Variants in PCDH15 observed in about 807,000 individuals in gnomAD.
PCDH15 encodes protocadherin related 15.
A neutral mutation model predicts 178.5 loss-of-function variants in PCDH15; 129 were observed. That is an observed-to-expected ratio of 0.72 (90% confidence interval 0.63 to 0.84). PCDH15 has a LOEUF of 0.84. Among genes scored for constraint, PCDH15 ranks in the 40% least tolerant of loss-of-function variants. The pLI, the probability that PCDH15 is intolerant of heterozygous loss-of-function variation, is 0.00. For missense variants in PCDH15, 2,230 were observed against 2,099.9 expected, an observed-to-expected ratio of 1.06 and a Z score of -1.21; for synonymous variants, 800 against 732.0, an observed-to-expected ratio of 1.09 and a Z score of -1.50.
chr10:54,915,690 C>T (rs1005012744), intron 2 of PCDH15, among the ~76,000 whole-genome samples: 4 of 152,094 alleles, frequency 2.6e-5, no homozygotes, highest in African/African-American at 9.7e-5. Context: ...AAGGACAGGC[C>T]ACTTCCAAAT....
At chr10:55,006,299 T>C (rs1321018466) in intron 2 of PCDH15, among the ~76,000 whole-genome samples, 1 of 152,146 alleles carries the variant, frequency 6.6e-6, no homozygotes, top group Non-Finnish European at 1.5e-5. Flanking sequence ...GGTTACTACC[T>C]TTCTATTTTC....
chr10:55,450,985 A>ATATATATATATATATATATG, intron 2 of PCDH15, among the ~76,000 whole-genome samples: 1 of 142,688 alleles, frequency 7.0e-6, no homozygotes, highest in Non-Finnish European at 1.5e-5. Flanking sequence ...ATATATATAT[A>ATATATATATATATATATATG]GTATGATCCT....
At chr10:54,339,889 T>C (rs1323635886) in intron 6 of PCDH15, among the ~76,000 whole-genome samples, 1 of 152,138 alleles carries the variant, frequency 6.6e-6, no homozygotes, top group Non-Finnish European at 1.5e-5. Flanking sequence ...TGATGTTTCC[T>C]CCTAGTAATT....
At chr10:53,823,617 G>A (rs1450474324) in intron 32 of PCDH15, among the ~76,000 whole-genome samples, 1 of 151,404 alleles carries the variant, frequency 6.6e-6, no homozygotes, top group Non-Finnish European at 1.5e-5. Flanking sequence ...TTGGAAGAGA[G>A]TATTTTTTGT....
intron 3 of PCDH15, among the ~76,000 whole-genome samples, chr10:54,874,201 C>T (rs571269553): frequency 2.3e-4 from 28 of 121,956 alleles, no homozygotes; most frequent in African/African-American, 7.7e-4. Flanking sequence ...CAATTCCCAC[C>T]TATGAGTGAG....
chr10:54,566,878 A>G (rs2089130871), intron 2 of PCDH15, among the ~76,000 whole-genome samples: 1 of 152,160 alleles, frequency 6.6e-6, no homozygotes, highest in South Asian at 2.1e-4. Flanking sequence ...TTTTATAGTA[A>G]AAGCATCTTT....
intron 2 of PCDH15, among the ~76,000 whole-genome samples, chr10:54,626,509 G>A (rs1343616893): frequency 6.6e-6 from 1 of 152,202 alleles, no homozygotes; most frequent in Non-Finnish European, 1.5e-5. Context: ...TTCAGAGGGT[G>A]CAGGCCCTGA....
intron 5 of PCDH15, among the ~76,000 whole-genome samples, chr10:54,356,471 A>G (rs1431685543): frequency 5.9e-5 from 9 of 151,844 alleles, no homozygotes; most frequent in African/African-American, 2.2e-4. Flanking sequence ...TTAGTATAAA[A>G]TAGTTATGTA....
At chr10:54,530,367 C>T (rs1207149127) in intron 2 of PCDH15, among the ~76,000 whole-genome samples, 2 of 152,100 alleles carry the variant, frequency 1.3e-5, no homozygotes, top group Non-Finnish European at 2.9e-5. Context: ...AGATTAAGTC[C>T]TTATTCTCTG....
At chr10:55,004,284 A>T (rs1301222247) in intron 2 of PCDH15, among the ~76,000 whole-genome samples, 3 of 152,196 alleles carry the variant, frequency 2.0e-5, no homozygotes, top group Non-Finnish European at 4.4e-5. Context: ...AGGCAGAAAG[A>T]TCCACGATGA....
chr10:55,326,843 A>ATT (rs1318446284), intron 2 of PCDH15, among the ~76,000 whole-genome samples: 5 of 152,124 alleles, frequency 3.3e-5, no homozygotes, highest in Admixed American at 6.6e-5. Flanking sequence ...TCAAAGATAA[A>ATT]TACTCAGATC....
intron 23 of PCDH15, among the ~76,000 whole-genome samples, chr10:53,958,592 G>C (rs2087873094): frequency 6.6e-6 from 1 of 152,082 alleles, no homozygotes; most frequent in African/African-American, 2.4e-5. Context: ...CAAAAAGGCA[G>C]CTGCCTATTA....
At chr10:55,331,028 C>T (rs1364829338) in intron 2 of PCDH15, among the ~76,000 whole-genome samples, 1 of 151,832 alleles carries the variant, frequency 6.6e-6, no homozygotes, top group Non-Finnish European at 1.5e-5. Context: ...ACATGTTATC[C>T]ATTATACTTA....
intron 33 of PCDH15, among the ~76,000 whole-genome samples, chr10:53,818,936 A>G (rs941844104): frequency 6.6e-6 from 1 of 152,074 alleles, no homozygotes; most frequent in African/African-American, 2.4e-5. Flanking sequence ...TACTTATCAG[A>G]AAGCATCTTG....
chr10:55,139,411 T>C (rs192635044), intron 2 of PCDH15, among the ~76,000 whole-genome samples: 12 of 152,196 alleles, frequency 7.9e-5, no homozygotes, highest in Admixed American at 2.6e-4. Context: ...GTCTTATAGT[T>C]TTGTATTTTA....
rs551992470 is a variant in PCDH15, at chr10:54,290,045, A to G, written c.876+27226T>C. On this transcript the variant is annotated intron_variant, in intron 8 of 37. Coordinates refer to ENST00000644397, the MANE Select transcript of PCDH15 (RefSeq NM_001384140.1). ...ACATTCAAATTCAGGAAATACAGAG[A>G]ACACCACAGACACTCCTTGAGAAGA... 5.3e-5 allele frequency among the ~76,000 whole-genome samples: 8 copies of G among 152,216 alleles called. No individual in the cohort carries two copies. The South Asian group carries it at 1.7e-3, about 32-fold the overall frequency.
chr10:53,893,996 G>A (rs2593123), intron 26 of PCDH15, among the ~76,000 whole-genome samples: 101,136 of 151,912 alleles, frequency 0.67, 34,350 homozygotes, highest in East Asian at 0.87. Context: ...TTGCTATATG[G>A]GTAAACTTGT....
intron 1 of PCDH15, among the ~76,000 whole-genome samples, chr10:55,292,536 C>T (rs938394809): frequency 2.0e-5 from 3 of 151,952 alleles, no homozygotes; most frequent in African/African-American, 7.2e-5. Flanking sequence ...TGCTCGCCAC[C>T]ACGACCGGCT....
chr10:55,343,719 T>A (rs189845602), intron 2 of PCDH15, among the ~76,000 whole-genome samples: 4 of 152,204 alleles, frequency 2.6e-5, no homozygotes, highest in Admixed American at 1.3e-4. Flanking sequence ...TCAATTGGTA[T>A]TAGCTGAGGG....
Sources: gnomAD v4.1 joint callset for allele counts (sites outside exome capture counted in the v4.1 genomes callset) on GRCh38, gnomAD v4.1.1 for gene constraint, MANE v1.5 for transcripts, NCBI Gene and HGNC (gene_info 2026-07-23, HGNC 2026-07-21) for gene names.